Variants in OTOP2 observed in about 807,000 individuals in gnomAD.
The protein encoded by OTOP2 is proton channel OTOP2.
In OTOP2, 41 loss-of-function variants were observed where a neutral mutation model predicts 47.4. That is an observed-to-expected ratio of 0.87 (90% CI 0.67 to 1.12). The LOEUF is 1.12. Ranked by LOEUF, OTOP2 falls within the 50% of genes most tolerant of loss-of-function variation. OTOP2 has a pLI of 0.00. For synonymous variants in OTOP2, 328 were observed against 319.6 expected, an observed-to-expected ratio of 1.03 and a Z score of -0.28; for missense variants, 721 against 752.2, an observed-to-expected ratio of 0.96 and a Z score of 0.49.
rs752349694 is a variant in OTOP2 at position 74,927,779 on chromosome 17, C to T, written c.624C>T (p.His208=). 21 of 1,614,028 alleles carry T rather than the reference C, an allele frequency of 1.3e-5. No individual in the cohort carries two copies. The highest frequency in any genetic ancestry group is 1.1e-4 in the South Asian group (10 of 91,072). The change falls in exon 5 of 7, where the codon CAC becomes CAT. Residue 208 remains histidine, a synonymous_variant. Coordinates refer to ENST00000331427, the MANE Select transcript of OTOP2 (RefSeq NM_178160.3). The stretch of plus-strand genomic sequence containing the variant: ...GCAGTTCTCACAGCAACGCCAGCCA[C>T]GCCCGTCTCATCTCTGACCGTGAGT... ...SYSSSHSNAS[H]ARLISDQHAD...
rs753573991 is a variant in OTOP2 at position 74,924,770 on chromosome 17, C to T, written c.138C>T (p.Leu46=). 2 of 1,610,562 alleles carry T rather than the reference C, an allele frequency of 1.2e-6. No homozygotes were observed. Among genetic ancestry groups the T allele is most frequent in the Non-Finnish European group, 1.7e-6 (2 of 1,178,904 alleles). The change falls in exon 2 of 7, where the codon CTC becomes CTT. Residue 46 remains leucine, a synonymous_variant. Transcript: ENST00000331427. The surrounding 1 kb of genome is among the most constrained non-coding windows in gnomAD (Gnocchi z 7.7). ...ACGTGCTGCTCCTCGCCTGCACGCT[C>T]ATCAGCGGCGGAGCCTTCAACAAGG... ...AVNVLLLACT[L]ISGGAFNKVA...
At position 74,927,770 on chromosome 17, in the gene OTOP2, C is replaced by T. The variant is rs766886167; in HGVS notation, c.615C>T (p.Asn205=). The T allele has an allele frequency of 1.3e-5, 21 of 1,614,120 alleles. No homozygotes were observed. The East Asian group carries it at 1.3e-4, about 10-fold the overall frequency. Residue 205 remains asparagine (N), a synonymous_variant, in exon 5 of 7, where the codon AAC becomes AAT. Coordinates refer to ENST00000331427, the MANE Select transcript of OTOP2 (RefSeq NM_178160.3). ...QSHSYSSSHS[N]ASHARLISDQ... Reference sequence around the variant, plus strand: ...ACTCCTACAGCAGTTCTCACAGCAACGCCAGCCACGCCCGTCTCATCTCTG... The same window carrying T: ...ACTCCTACAGCAGTTCTCACAGCAATGCCAGCCACGCCCGTCTCATCTCTG...
intron 5 of OTOP2, 33 bp downstream of exon 5, chr17:74,927,831 A>G: frequency 6.2e-7 from 1 of 1,609,922 alleles, no homozygotes; most frequent in Non-Finnish European, 8.5e-7. Context: ...CCCTGTGGCT[A>G]CCAGGCCTTG....
chr17:74,924,793 A>G lies in OTOP2; in HGVS notation c.161A>G (p.Lys54Arg), dbSNP rs2038989275. The G allele has an allele frequency of 6.2e-7, 1 of 1,611,726 alleles. No homozygotes were observed. Among genetic ancestry groups the G allele is most frequent in the African/African-American group, 1.3e-5 (1 of 74,908 alleles). The change falls in exon 2 of 7, where the codon AAG (lysine) becomes AGG (arginine). Residue 54 changes from lysine to arginine, a missense_variant. By Grantham distance (26) the Lys-to-Arg change is conservative. Transcript: ENST00000331427. This position sits in a 1 kb window ranked among gnomAD's most constrained non-coding sequence, Gnocchi z 7.7. ...CTCATCAGCGGCGGAGCCTTCAACA[A>G]GGTGGCCGTGTACGACACCGACGTG... Reference protein sequence around the residue: ...CTLISGGAFNKVAVYDTDVFA... With the variant: ...CTLISGGAFNRVAVYDTDVFA...
intron 6 of OTOP2, among the ~76,000 whole-genome samples, chr17:74,931,953 C>CAAA (rs5822060): frequency 0.16 from 13,390 of 83,762 alleles, 1,029 homozygotes; most frequent in Non-Finnish European, 0.21. Context: ...GACACTCTGT[C>CAAA]AAAAAAAAAA....
chr17:74,924,863 C>A lies in OTOP2; in HGVS notation c.231C>A (p.Ile77=), dbSNP rs373149079. ...TAMMLLATLW[I]LFYLLRTVRC... The stretch of plus-strand genomic sequence containing the variant: ...TGATGCTGCTGGCAACGCTCTGGAT[C>A]CTCTTCTACCTCCTCCGAACCGTGC... The change falls in exon 2 of 7, where the codon ATC becomes ATA. Residue 77 remains isoleucine (I), a synonymous_variant. Transcript: ENST00000331427. The surrounding 1 kb of genome is among the most constrained non-coding windows in gnomAD (Gnocchi z 7.7). 1 of 1,605,806 alleles carries A rather than the reference C, an allele frequency of 6.2e-7. No individual in the cohort carries two copies. The highest frequency in any genetic ancestry group is 2.2e-5 in the East Asian group (1 of 44,498).
chr17:74,926,823 G>A (rs573378084), intron 3 of OTOP2, among the ~76,000 whole-genome samples: 4 of 150,746 alleles, frequency 2.7e-5, no homozygotes, highest in South Asian at 2.1e-4. Flanking sequence ...GCAGTGGCAC[G>A]ATCTCGGCTG....
Position 74,927,879 on chromosome 17 carries a change from G to A in OTOP2, c.643+81G>A, listed in dbSNP as rs971689025. The A allele has an allele frequency of 2.1e-5, 32 of 1,513,586 alleles. No individual in the cohort carries two copies. The South Asian group carries it at 3.5e-4, about 17-fold the overall frequency. 93.8% of individuals were successfully genotyped at this position (1,513,586 alleles called of 1,614,324 possible). On this transcript the variant is annotated intron_variant, in intron 5 of 6. Coordinates refer to ENST00000331427, the MANE Select transcript of OTOP2 (RefSeq NM_178160.3). The stretch of plus-strand genomic sequence containing the variant: ...TGTGAATTTATAACGTCAGTCTCCT[G>A]TGCCCTCATGAGGGCATAGAGGCAA...
rs2039081545 is a variant in OTOP2 at position 74,933,839 on chromosome 17, C to T, written c.*294C>T. 3.2e-6 allele frequency: 1 copy of T among 313,582 alleles called. No individual in the cohort carries two copies. Among genetic ancestry groups the T allele is most frequent in the Admixed American group, 4.3e-5 (1 of 23,514 alleles). 19.4% of individuals were successfully genotyped at this position (313,582 alleles called of 1,614,324 possible). A position where few individuals can be genotyped will look rare whatever the true frequency, so the allele number is the denominator to read the frequency against. On this transcript the variant is annotated 3_prime_UTR_variant, in exon 7 of 7. Transcript: ENST00000331427. This position sits in a 1 kb window ranked among gnomAD's most constrained non-coding sequence, Gnocchi z 4.7. The stretch of plus-strand genomic sequence containing the variant: ...CTGGAGGTGCCGGCTCTGGTTCCAT[C>T]TCTAATCCCCTGCTGTGGCCTGGCC...
chr17:74,931,773 T>C (rs2039061208), intron 6 of OTOP2, among the ~76,000 whole-genome samples: 1 of 151,790 alleles, frequency 6.6e-6, no homozygotes, highest in African/African-American at 2.4e-5. Flanking sequence ...GCCAACAGGG[T>C]GAAACCCTGT....
intron 3 of OTOP2, among the ~76,000 whole-genome samples, chr17:74,925,990 G>A (rs908573493): frequency 6.6e-6 from 1 of 152,226 alleles, no homozygotes; most frequent in Non-Finnish European, 1.5e-5. Flanking sequence ...CTGTCTCCTA[G>A]AACCTGGCCT....
intron 5 of OTOP2, among the ~76,000 whole-genome samples, chr17:74,929,610 G>C (rs894332122): frequency 1.3e-5 from 2 of 152,060 alleles, no homozygotes; most frequent in African/African-American, 4.8e-5. Flanking sequence ...ATTTTTAGTA[G>C]AGACAGGATT....
rs2039041048 is a variant in OTOP2 at position 74,930,091 on chromosome 17, G to C, written c.644-188G>C. On this transcript the variant is annotated intron_variant, in intron 5 of 6. Coordinates refer to ENST00000331427, the MANE Select transcript of OTOP2 (RefSeq NM_178160.3). This position sits in a 1 kb window ranked among gnomAD's most constrained non-coding sequence, Gnocchi z 4.0. ...CCAGCTACTTGGGAGGCTGAGGCAGGAGAATGGCTTGAATCCGGGAGGTGA... is the reference window on the plus strand; with the variant it reads ...CCAGCTACTTGGGAGGCTGAGGCAGCAGAATGGCTTGAATCCGGGAGGTGA... Among the ~76,000 whole-genome samples the C allele has an allele frequency of 2.0e-5, 3 of 152,178 alleles. No homozygotes were observed. Among genetic ancestry groups the C allele is most frequent in the Admixed American group, 1.3e-4 (2 of 15,284 alleles).
chr17:74,927,618 G>C, intron 4 of OTOP2, 47 bp from the exon 5 acceptor site: 2 of 1,585,900 alleles, frequency 1.3e-6, no homozygotes, highest in Non-Finnish European at 1.7e-6. Context: ...TCCCCAACCT[G>C]CCAAAGGGTC....
Position 74,924,993 on chromosome 17 carries a change from G to T in OTOP2, c.313+48G>T, listed in dbSNP as rs1309383800. The T allele has an allele frequency of 6.7e-7, 1 of 1,492,022 alleles. No individual in the cohort carries two copies. Among genetic ancestry groups the T allele is most frequent in the Non-Finnish European group, 8.9e-7 (1 of 1,117,592 alleles). 92.4% of individuals were successfully genotyped at this position (1,492,022 alleles called of 1,614,324 possible). A position where few individuals can be genotyped will look rare whatever the true frequency, so the allele number is the denominator to read the frequency against. Reference sequence around the variant, plus strand: ...GGTAGGGTGGGCACAACAGGGAGCTGCAGGCTAGGGCTCTCGCAGGAGTTG... The same window carrying T: ...GGTAGGGTGGGCACAACAGGGAGCTTCAGGCTAGGGCTCTCGCAGGAGTTG... On this transcript the variant is annotated intron_variant, in intron 2 of 6. Coordinates refer to ENST00000331427, the MANE Select transcript of OTOP2 (RefSeq NM_178160.3). The surrounding 1 kb of genome is among the most constrained non-coding windows in gnomAD (Gnocchi z 7.7).
At chr17:74,925,884 C>G (rs1423828696) in intron 3 of OTOP2, among the ~76,000 whole-genome samples, 192 bp downstream of exon 3, 1 of 152,180 alleles carries the variant, frequency 6.6e-6, no homozygotes, top group Non-Finnish European at 1.5e-5. Flanking sequence ...AAGTAACATC[C>G]CAACGTGAGC....
Position 74,931,120 on chromosome 17 carries a change from C to T in OTOP2, c.1485C>T (p.Asp495=). The stretch of plus-strand genomic sequence containing the variant: ...AGTGGAGACGCCAGTGCCTAAAAGA[C>T]ATTTCTCTGTTTCTCCTACTCTGCA... The part of the protein sequence containing the change: ...RSQWRRQCLK[D]ISLFLLLCNV... The change falls in exon 6 of 7, where the codon GAC becomes GAT. Residue 495 remains aspartate (D), a synonymous_variant. Transcript: ENST00000331427. The T allele has an allele frequency of 1.2e-6, 2 of 1,608,564 alleles. No individual in the cohort carries two copies. Among genetic ancestry groups the T allele is most frequent in the South Asian group, 1.1e-5 (1 of 90,508 alleles).
At chr17:74,925,790 C>A in intron 3 of OTOP2, 98 bp downstream of exon 3, 2 of 1,530,452 alleles carry the variant, frequency 1.3e-6, no homozygotes, top group Non-Finnish European at 1.8e-6. Flanking sequence ...CCATCCGCCT[C>A]GTATCCTGAG....
rs1279454549 is a variant in OTOP2 at position 74,924,854 on chromosome 17, G to T, written c.222G>T (p.Thr74=). The change falls in exon 2 of 7, where the codon ACG becomes ACT. Residue 74 remains threonine, a synonymous_variant. Transcript: ENST00000331427. This position sits in a 1 kb window ranked among gnomAD's most constrained non-coding sequence, Gnocchi z 7.7. ...TCACTGCGATGATGCTGCTGGCAAC[G>T]CTCTGGATCCTCTTCTACCTCCTCC... The part of the protein sequence containing the change: ...ALLTAMMLLA[T]LWILFYLLRT... 6.8e-6 allele frequency: 11 copies of T among 1,608,030 alleles called. No homozygotes were observed. Among genetic ancestry groups the T allele is most frequent in the Non-Finnish European group, 9.3e-6 (11 of 1,177,602 alleles).
Sources: gnomAD v4.1 joint callset for allele counts (sites outside exome capture counted in the v4.1 genomes callset) on GRCh38, gnomAD v4.1.1 for gene constraint, Gnocchi (gnomAD v3.1) non-coding constraint, MANE v1.5 for transcripts, NCBI Gene and HGNC (gene_info 2026-07-23, HGNC 2026-07-21) for gene names.